Variants in NLRP4 observed in about 807,000 individuals in gnomAD.
NLRP4 encodes NLR family pyrin domain containing 4.
A neutral mutation model predicts 84.7 loss-of-function variants in NLRP4; 44 were observed. The observed-to-expected ratio is 0.52, with a 90% CI of 0.41 to 0.67. The LOEUF is 0.67. NLRP4 is among the 30% of genes least tolerant of loss of function. The pLI is 0.00. For missense variants in NLRP4, 1,260 were observed against 1,219.4 expected (o/e 1.03, Z -0.50); for synonymous variants, 544 against 476.4 (o/e 1.14, Z -1.85).
intron 3 of NLRP4, among the ~76,000 whole-genome samples, chr19:55,860,858 AT>A (rs1231125430): frequency 6.6e-6 from 1 of 152,106 alleles, no homozygotes; most frequent in Non-Finnish European, 1.5e-5. Context: ...CGCACCTATT[AT>A]CCCAGCTACT....
intron 1 of NLRP4, among the ~76,000 whole-genome samples, chr19:55,843,127 A>G (rs77735920): frequency 0.014 from 2,100 of 152,274 alleles, 17 homozygotes; most frequent in Non-Finnish European, 0.023. Context: ...AGCACCTTGC[A>G]TGGTTGCTTC....
In NLRP4 at chr19:55,852,124, T is replaced by C; in HGVS notation, c.44T>C (p.Leu15Pro). ...TCTGATTTTGGTCTTATGTGGTATC[T>C]GGAGGAGCTCAAAAAGGAGGAGTTC... is the stretch of plus-strand genomic sequence containing the variant. Reference protein sequence around the residue: ...FFSDFGLMWYLEELKKEEFRK... With the variant: ...FFSDFGLMWYPEELKKEEFRK... Residue 15 changes from leucine (L) to proline (P), a missense_variant, in exon 2 of 10, where the codon CTG (leucine) becomes CCG (proline). By Grantham distance (98) the Leu-to-Pro change is moderately conservative. Around this residue, in one of 3 missense-constraint regions of NLRP4, gnomAD observed 712 missense variants for 669.2 expected, o/e 1.06. Transcript: ENST00000301295. 6 of 1,607,692 alleles carry C rather than the reference T, an allele frequency of 3.7e-6. No individual in the cohort carries two copies. Among genetic ancestry groups the C allele is most frequent in the Non-Finnish European group, 5.1e-6 (6 of 1,178,058 alleles).
chr19:55,845,981 C>G (rs1019141478), intron 1 of NLRP4, among the ~76,000 whole-genome samples: 4 of 152,108 alleles, frequency 2.6e-5, no homozygotes. Context: ...GTTGCCTGAT[C>G]ACTCTGATGG....
Position 55,861,494 on chromosome 19 carries a change from T to C in NLRP4, c.1965T>C (p.Phe655=), listed in dbSNP as rs769652962. 5.6e-6 allele frequency: 9 copies of C among 1,614,066 alleles called. No individual in the cohort carries two copies. The highest frequency in any genetic ancestry group is 1.3e-5 in the African/African-American group (1 of 74,930). ...VQDSTLSEST[F]VTWCNQLRHP... ...ACAGCACCCTCAGCGAGTCGACCTTTGTGACCTGGTGTAACCAGCTGAGGC... is the reference window on the plus strand; with the variant it reads ...ACAGCACCCTCAGCGAGTCGACCTTCGTGACCTGGTGTAACCAGCTGAGGC... The change falls in exon 4 of 10, where the codon TTT becomes TTC. Residue 655 remains phenylalanine (F), a synonymous_variant. Coordinates refer to ENST00000301295, the MANE Select transcript of NLRP4 (RefSeq NM_134444.5).
intron 3 of NLRP4, among the ~76,000 whole-genome samples, chr19:55,860,460 C>T (rs539218722): frequency 6.6e-6 from 1 of 152,220 alleles, no homozygotes; most frequent in African/African-American, 2.4e-5. Flanking sequence ...GCCTGTAGCA[C>T]AGCTACTTGA....
chr19:55,840,442 G>A (rs1168800351), intron 1 of NLRP4, among the ~76,000 whole-genome samples: 4 of 151,994 alleles, frequency 2.6e-5, no homozygotes, highest in South Asian at 2.1e-4. Context: ...GGAATGCAGT[G>A]GTGCCATCTC....
At chr19:55,871,479 G>A (rs1985181740) in intron 7 of NLRP4, among the ~76,000 whole-genome samples, 1 of 152,216 alleles carries the variant, frequency 6.6e-6, no homozygotes, top group South Asian at 2.1e-4. Flanking sequence ...AGGAGATGGT[G>A]AAAAGACTTA....
intron 7 of NLRP4, among the ~76,000 whole-genome samples, chr19:55,875,542 CAAT>C (rs1985336955): frequency 1.3e-5 from 2 of 152,046 alleles, no homozygotes; most frequent in South Asian, 4.1e-4. Flanking sequence ...TGGTATAAAA[CAAT>C]GTTATATTCA....
chr19:55,874,631 C>T (rs1985304724), intron 7 of NLRP4, among the ~76,000 whole-genome samples: 1 of 151,990 alleles, frequency 6.6e-6, no homozygotes, highest in South Asian at 2.1e-4. Context: ...TAGAAAATTC[C>T]AGGCTTAGAA....
chr19:55,850,307 G>T (rs78586607), intron 1 of NLRP4, among the ~76,000 whole-genome samples: 36 of 49,728 alleles, frequency 7.2e-4, no homozygotes, highest in African/African-American at 1.3e-3. Flanking sequence ...GCGGTGTAAT[G>T]TCCGTGGCTG....
At chr19:55,878,488 T>G (rs372146213) in intron 8 of NLRP4, among the ~76,000 whole-genome samples, 8 of 2,110 alleles carry the variant, frequency 3.8e-3, no homozygotes, top group East Asian at 0.015. Context: ...CTGAGACGGC[T>G]TCATACCTTT....
At position 55,857,945 on chromosome 19, in the gene NLRP4, C is replaced by T. The variant is rs1371553018; in HGVS notation, c.552C>T (p.Tyr184=). 1.2e-6 allele frequency: 2 copies of T among 1,614,026 alleles called. No individual in the cohort carries two copies. Among genetic ancestry groups the T allele is most frequent in the African/African-American group, 2.7e-5 (2 of 74,920 alleles). The change falls in exon 3 of 10, where the codon TAC becomes TAT. Residue 184 remains tyrosine (Y), a synonymous_variant. Coordinates refer to ENST00000301295, the MANE Select transcript of NLRP4 (RefSeq NM_134444.5). ...AGATCTTTCGGGATAGGTTCCTGTACACGTTCTATTTCTGCTGCAGAGAAC... is the reference window on the plus strand; with the variant it reads ...AGATCTTTCGGGATAGGTTCCTGTATACGTTCTATTTCTGCTGCAGAGAAC... ...DNKIFRDRFL[Y]TFYFCCRELR... is the part of the protein sequence containing the mutation.
chr19:55,852,053 G>T lies in NLRP4; in HGVS notation c.-28G>T, dbSNP rs1984184905. ...TATTGTTCCTGGTCACTGTCTCTTT[G>T]AGGATTGGTATCTCTGCTCCAGAAA... is the stretch of plus-strand genomic sequence containing the variant. On this transcript the variant is annotated 5_prime_UTR_variant, in exon 2 of 10. An upstream open reading frame in the 5' UTR gains an earlier in-frame stop. Transcript: ENST00000301295. 1 of 1,557,444 alleles carries T rather than the reference G, an allele frequency of 6.4e-7. No homozygotes were observed. Among genetic ancestry groups the T allele is most frequent in the South Asian group, 1.2e-5 (1 of 82,978 alleles).
intron 1 of NLRP4, among the ~76,000 whole-genome samples, chr19:55,838,728 G>C (rs1041634038): frequency 1.3e-5 from 2 of 151,968 alleles, no homozygotes; most frequent in African/African-American, 4.8e-5. Context: ...TTCAAGATTT[G>C]TACACATTGT....
intron 7 of NLRP4, among the ~76,000 whole-genome samples, chr19:55,875,867 GA>G (rs56984628): frequency 0.21 from 29,205 of 142,060 alleles, 2,948 homozygotes; most frequent in East Asian, 0.25. Flanking sequence ...CGTCTCTACT[GA>G]AAAAAAAAAA....
At chr19:55,879,326 A>G (rs1985499549) in intron 9 of NLRP4, among the ~76,000 whole-genome samples, 1 of 152,226 alleles carries the variant, frequency 6.6e-6, no homozygotes, top group African/African-American at 2.4e-5. Context: ...GCTGTCTGCT[A>G]CAGAGAGGGG....
intron 8 of NLRP4, among the ~76,000 whole-genome samples, chr19:55,878,496 T>G (rs1985457285): frequency 4.6e-4 from 2 of 4,394 alleles, no homozygotes; most frequent in African/African-American, 1.5e-3. Context: ...GCTTCATACC[T>G]TTTTTTGGAT....
rs200747802 is a variant in NLRP4 at position 55,867,812 on chromosome 19, G to C, written c.2290G>C (p.Asp764His). 140 of 1,614,162 alleles carry C rather than the reference G, an allele frequency of 8.7e-5. No homozygotes were observed. The highest frequency in any genetic ancestry group is 1.1e-4 in the Non-Finnish European group (134 of 1,180,008). The part of the protein sequence containing the change: ...TYLNVSCNQL[D>H]TGVPLLCEAL... ...TCTGAATGTATCCTGCAACCAGTTA[G>C]ACACAGGCGTGCCCCTTTTGTGTGA... Residue 764 changes from aspartate to histidine, a missense_variant, in exon 6 of 10, where the codon GAC (aspartate) becomes CAC (histidine). This residue lies in a region of NLRP4 where 544 missense variants were observed against 531.7 expected (regional missense o/e 1.02). Coordinates refer to ENST00000301295, the MANE Select transcript of NLRP4 (RefSeq NM_134444.5).
At chr19:55,856,757 G>A (rs1266119095) in intron 2 of NLRP4, among the ~76,000 whole-genome samples, 2 of 152,014 alleles carry the variant, frequency 1.3e-5, no homozygotes, top group Non-Finnish European at 2.9e-5. Flanking sequence ...TTCATGATCT[G>A]CCCACCTTGG....
Sources: allele counts gnomAD v4.1 joint callset (sites outside exome capture counted in the v4.1 genomes callset), GRCh38; gene constraint gnomAD v4.1.1; regional missense constraint gnomAD v4.1.1; transcripts MANE v1.5; gene names NCBI Gene and HGNC (gene_info 2026-07-23, HGNC 2026-07-21).